Variants in PRR16 observed in about 807,000 individuals in gnomAD.
PRR16 encodes proline rich 16.
In PRR16, 6 loss-of-function variants were observed where a neutral mutation model predicts 18.2. That is an observed-to-expected ratio of 0.33 (90% CI 0.18 to 0.65). The LOEUF (loss-of-function observed/expected upper bound fraction) is 0.65. Among genes scored for constraint, PRR16 ranks in the 30% least tolerant of loss-of-function variants. The pLI, the probability that PRR16 is intolerant of heterozygous loss-of-function variation, is 0.74. For missense variants in PRR16, 412 were observed against 376.6 expected, an observed-to-expected ratio of 1.09 and a Z score of -0.78; for synonymous variants, 151 against 147.8, an observed-to-expected ratio of 1.02 and a Z score of -0.16.
At chr5:120,520,952 A>G (rs572982893) in intron 1 of PRR16, among the ~76,000 whole-genome samples, 75 of 152,210 alleles carry the variant, frequency 4.9e-4, no homozygotes, top group African/African-American at 1.8e-3. Flanking sequence ...ATTAGATGGA[A>G]ATTTGTCCAC....
downstream of PRR16, among the ~76,000 whole-genome samples, chr5:120,692,055 G>A (rs1757215220): frequency 6.6e-6 from 1 of 152,166 alleles, no homozygotes; most frequent in Non-Finnish European, 1.5e-5. Flanking sequence ...GGAATTATAA[G>A]TCAGGCAGTC....
At chr5:120,525,401 T>A (rs1751315268) in intron 1 of PRR16, among the ~76,000 whole-genome samples, 1 of 152,084 alleles carries the variant, frequency 6.6e-6, no homozygotes, top group East Asian at 1.9e-4. Flanking sequence ...TTCTCTTTCT[T>A]CTTTCCCTTT....
the PRR16 span, among the ~76,000 whole-genome samples, chr5:120,757,894 A>G: frequency 1.3e-5 from 2 of 152,160 alleles, no homozygotes; most frequent in African/African-American, 2.4e-5. Flanking sequence ...TAACCATTCT[A>G]TGAAGATTTT....
chr5:120,716,738 G>A, the PRR16 span, among the ~76,000 whole-genome samples: 3 of 152,090 alleles, frequency 2.0e-5, no homozygotes, highest in Non-Finnish European at 4.4e-5. Context: ...TGGGTGTGGT[G>A]GCGGGCGCTT....
At chr5:120,669,395 T>A (rs1182454948) in intron 1 of PRR16, among the ~76,000 whole-genome samples, 1 of 152,070 alleles carries the variant, frequency 6.6e-6, no homozygotes, top group Non-Finnish European at 1.5e-5. Context: ...TTGTCATGTA[T>A]TTGAAAATGG....
At chr5:120,689,949 A>G (rs1281089766), downstream of PRR16, among the ~76,000 whole-genome samples, 1 of 152,164 alleles carries the variant, frequency 6.6e-6, no homozygotes, top group African/African-American at 2.4e-5. Context: ...TATGTTCACA[A>G]AAATACAAGG....
chr5:120,760,400 C>G, the PRR16 span, among the ~76,000 whole-genome samples: 1 of 152,076 alleles, frequency 6.6e-6, no homozygotes. Flanking sequence ...AAACCTGTCT[C>G]ATCTATACTT....
chr5:120,569,358 A>G (rs1168316980), intron 1 of PRR16, among the ~76,000 whole-genome samples: 1 of 152,172 alleles, frequency 6.6e-6, no homozygotes, highest in East Asian at 1.9e-4. Context: ...AGGTTAAGGC[A>G]TGTGCATTGC....
intron 1 of PRR16, among the ~76,000 whole-genome samples, chr5:120,578,476 T>A (rs1297456700): frequency 6.6e-6 from 1 of 152,138 alleles, no homozygotes; most frequent in Non-Finnish European, 1.5e-5. Context: ...CAACTCCAAC[T>A]TACAAGTGAG....
intron 1 of PRR16, among the ~76,000 whole-genome samples, chr5:120,605,650 C>G (rs1584465): frequency 0.094 from 14,325 of 152,162 alleles, 1,458 homozygotes; most frequent in African/African-American, 0.26. Flanking sequence ...GTGGACTGAT[C>G]TACCTTTAAT....
intron 1 of PRR16, among the ~76,000 whole-genome samples, chr5:120,541,642 A>G (rs1283510913): frequency 6.6e-6 from 1 of 152,222 alleles, no homozygotes; most frequent in East Asian, 1.9e-4. Context: ...GCTCAAGGGC[A>G]TTTAAAAATA....
Position 120,619,271 on chromosome 5 carries a change from G to C in PRR16, c.160-66683G>C, listed in dbSNP as rs139258315. Among the ~76,000 whole-genome samples the C allele has an allele frequency of 3.9e-3, 592 of 152,092 alleles. 2 individuals are homozygous for C. The highest frequency in any genetic ancestry group is 0.014 in the African/African-American group (571 of 41,510). On this transcript the variant is annotated intron_variant, in intron 1 of 1. Coordinates refer to ENST00000407149, the MANE Select transcript of PRR16 (RefSeq NM_001300783.2). ...ATAGTTCTAATTTTTCTTGAAAAAAGAATCAGATCTAAATATTTAACTGTT... is the reference window on the plus strand; with the variant it reads ...ATAGTTCTAATTTTTCTTGAAAAAACAATCAGATCTAAATATTTAACTGTT...
At chr5:120,524,913 G>T (rs1751301595) in intron 1 of PRR16, among the ~76,000 whole-genome samples, 1 of 152,084 alleles carries the variant, frequency 6.6e-6, no homozygotes, top group Non-Finnish European at 1.5e-5. Flanking sequence ...TTACTGTATT[G>T]CTCAGCCTAA....
intron 1 of PRR16, among the ~76,000 whole-genome samples, chr5:120,526,300 T>TA (rs1337677771): frequency 6.6e-6 from 1 of 152,184 alleles, no homozygotes; most frequent in African/African-American, 2.4e-5. Context: ...GAACACGAAT[T>TA]AGGGCATCTT....
chr5:120,706,442 G>T, the PRR16 span, among the ~76,000 whole-genome samples: 1 of 152,062 alleles, frequency 6.6e-6, no homozygotes, highest in African/African-American at 2.4e-5. Flanking sequence ...TTGCTGATAC[G>T]CTCCTTCAGC....
chr5:120,770,972 CT>C, the PRR16 span, among the ~76,000 whole-genome samples: 2 of 131,990 alleles, frequency 1.5e-5, no homozygotes, highest in African/African-American at 6.3e-5. Context: ...ACACACACAC[CT>C]TGCATCTTTT....
At chr5:120,692,650 T>A in the PRR16 span, among the ~76,000 whole-genome samples, 2 of 152,192 alleles carry the variant, frequency 1.3e-5, no homozygotes, top group African/African-American at 4.8e-5. Context: ...AATTTTTTAG[T>A]GTTTGAATAA....
intron 1 of PRR16, among the ~76,000 whole-genome samples, chr5:120,524,059 G>A (rs1036513463): frequency 6.6e-6 from 1 of 152,082 alleles, no homozygotes; most frequent in Non-Finnish European, 1.5e-5. Flanking sequence ...AACATTCATT[G>A]TTAGAGTAAT....
At chr5:120,785,651 C>T in the PRR16 span, among the ~76,000 whole-genome samples, 3 of 144,466 alleles carry the variant, frequency 2.1e-5, no homozygotes, top group African/African-American at 5.1e-5. Flanking sequence ...CAGCTCACTG[C>T]AACCTCCTCC....
Sources: gnomAD v4.1 joint callset for allele counts (sites outside exome capture counted in the v4.1 genomes callset) on GRCh38, gnomAD v4.1.1 for gene constraint, MANE v1.5 for transcripts, NCBI Gene and HGNC (gene_info 2026-07-23, HGNC 2026-07-21) for gene names.